Variants in COMMD10 observed in about 807,000 individuals in gnomAD.
COMMD10 encodes the protein COMM domain containing 10, also known as COMM domain-containing protein 10.
COMMD10 carries 33 observed loss-of-function variants against 28.9 expected under a neutral mutation model. The observed-to-expected ratio is 1.14, with a 90% CI of 0.87 to 1.53. The LOEUF is 1.53. COMMD10 is among the 40% of genes most tolerant of loss of function. COMMD10 has a pLI of 0.00. For missense variants in COMMD10, 310 were observed against 233.4 expected, an observed-to-expected ratio of 1.33 and a Z score of -2.14; for synonymous variants, 110 against 81.7, an observed-to-expected ratio of 1.35 and a Z score of -1.87.
rs1447635797 is a variant in COMMD10 at position 116,252,356 on chromosome 5, A to G, written c.511-39161A>G. Among the ~76,000 whole-genome samples the G allele has an allele frequency of 1.8e-3, 257 of 142,138 alleles. 20 individuals carry two copies. Among genetic ancestry groups the G allele is most frequent in the African/African-American group, 6.5e-3 (241 of 36,940 alleles). The allele number at this position is 142,138 out of a possible 152,430, so 93.2% of individuals were successfully genotyped here. On this transcript the variant is annotated intron_variant, in intron 5 of 6. Transcript: ENST00000274458. ...TTGTTGCCATTGCTTTTGGTGTTTT[A>G]GACATGAAGTCCTTGCCTGTGCCTA...
intron 5 of COMMD10, among the ~76,000 whole-genome samples, chr5:116,238,522 A>G (rs1001555247): frequency 6.6e-6 from 1 of 152,188 alleles, no homozygotes; most frequent in Non-Finnish European, 1.5e-5. Context: ...AACAAACCTA[A>G]AGCTTCTGTT....
At chr5:116,286,312 T>C (rs1231407734) in intron 5 of COMMD10, among the ~76,000 whole-genome samples, 1 of 136,744 alleles carries the variant, frequency 7.3e-6, no homozygotes, top group Non-Finnish European at 1.5e-5. Context: ...AAAAACTAAC[T>C]CAATTTCTAT....
chr5:116,196,328 G>A (rs531057456), intron 5 of COMMD10, among the ~76,000 whole-genome samples: 3 of 152,016 alleles, frequency 2.0e-5, no homozygotes, highest in Non-Finnish European at 4.4e-5. Context: ...TGATACAGTG[G>A]ACTTCGAGGA....
chr5:116,107,582 C>T lies in COMMD10; in HGVS notation c.399+14882C>T, dbSNP rs538577272. Among the ~76,000 whole-genome samples, 6 of 152,208 alleles carry T rather than the reference C, an allele frequency of 3.9e-5. No homozygotes were observed. The South Asian group carries it at 1.2e-3, about 32-fold the overall frequency. ...TTATTCTAGTTAGCAGTTTGTTTTACCTTTTTTTCAAGGTTCTTAGCTTTC... is the reference window on the plus strand; with the variant it reads ...TTATTCTAGTTAGCAGTTTGTTTTATCTTTTTTTCAAGGTTCTTAGCTTTC... On this transcript the variant is annotated intron_variant, in intron 4 of 6. Coordinates refer to ENST00000274458, the MANE Select transcript of COMMD10 (RefSeq NM_016144.4).
At chr5:116,176,117 G>T (rs1466312977) in intron 5 of COMMD10, among the ~76,000 whole-genome samples, 1 of 152,034 alleles carries the variant, frequency 6.6e-6, no homozygotes, top group African/African-American at 2.4e-5. Flanking sequence ...CTTATTCACT[G>T]TTTGTTTATT....
chr5:116,247,279 C>G lies in COMMD10; in HGVS notation c.511-44238C>G, dbSNP rs553519356. Among the ~76,000 whole-genome samples the G allele has an allele frequency of 4.6e-5, 7 of 150,984 alleles. No homozygotes were observed. The East Asian group carries it at 1.4e-3, about 30-fold the overall frequency. On this transcript the variant is annotated intron_variant, in intron 5 of 6. Transcript: ENST00000274458. ...ATCAGAACCACAATGAGATACCCATCTCAGTCAGAAAGGTTATTATTAAAA... is the reference window on the plus strand; with the variant it reads ...ATCAGAACCACAATGAGATACCCATGTCAGTCAGAAAGGTTATTATTAAAA...
intron 5 of COMMD10, among the ~76,000 whole-genome samples, chr5:116,283,027 CA>C (rs779312236): frequency 6.6e-5 from 10 of 151,862 alleles, no homozygotes; most frequent in Non-Finnish European, 1.2e-4. Flanking sequence ...TCTGTAGAAC[CA>C]AGAATGGAAG....
intron 5 of COMMD10, among the ~76,000 whole-genome samples, chr5:116,284,018 A>G (rs1751148854): frequency 6.6e-6 from 1 of 151,576 alleles, no homozygotes; most frequent in Admixed American, 6.6e-5. Flanking sequence ...AATCCCAGCT[A>G]CTCACAGGCT....
intron 4 of COMMD10, among the ~76,000 whole-genome samples, chr5:116,116,567 T>C (rs979798928): frequency 6.6e-6 from 1 of 152,232 alleles, no homozygotes; most frequent in African/African-American, 2.4e-5. Context: ...TTTGTTACTT[T>C]AGTTTCGGTA....
chr5:116,263,833 C>G (rs1333035645), intron 5 of COMMD10, among the ~76,000 whole-genome samples: 1 of 151,712 alleles, frequency 6.6e-6, no homozygotes, highest in Non-Finnish European at 1.5e-5. Context: ...ATATCTCATG[C>G]CTCCCTAAAA....
At chr5:116,239,494 C>T (rs1198773293) in intron 5 of COMMD10, among the ~76,000 whole-genome samples, 1 of 152,098 alleles carries the variant, frequency 6.6e-6, no homozygotes, top group Non-Finnish European at 1.5e-5. Context: ...ATGAGCTTTG[C>T]CTCTCTTTGA....
intron 4 of COMMD10, among the ~76,000 whole-genome samples, chr5:116,123,624 G>T (rs1428384344): frequency 6.6e-6 from 1 of 152,108 alleles, no homozygotes; most frequent in Non-Finnish European, 1.5e-5. Context: ...CTGTTGTTTG[G>T]AATAGTTTCA....
intron 4 of COMMD10, among the ~76,000 whole-genome samples, chr5:116,124,193 C>T (rs1751536137): frequency 6.6e-6 from 1 of 152,082 alleles, no homozygotes; most frequent in African/African-American, 2.4e-5. Flanking sequence ...CCATCTTTCT[C>T]TTGTGGGCAT....
At chr5:116,250,374 TTTTA>T (rs1022611917) in intron 5 of COMMD10, among the ~76,000 whole-genome samples, 2 of 151,586 alleles carry the variant, frequency 1.3e-5, no homozygotes, top group African/African-American at 2.4e-5. Flanking sequence ...GCTGTGGCGT[TTTTA>T]TTTGTTTAGT....
At position 116,292,615 on chromosome 5, in the gene COMMD10, C is replaced by T. The variant is rs989547612; in HGVS notation, c.*126C>T. ...GCTTTCTGTAAATTATATGGCTTAT[C>T]ACTTCTTAGACAAATAACAACCAAT... On this transcript the variant is annotated 3_prime_UTR_variant, in exon 7 of 7. Transcript: ENST00000274458. 3.3e-5 allele frequency: 21 copies of T among 639,904 alleles called. No individual in the cohort carries two copies. The highest frequency in any genetic ancestry group is 5.5e-5 in the Non-Finnish European group (21 of 384,164). 39.6% of individuals were successfully genotyped at this position (639,904 alleles called of 1,614,324 possible).
intron 5 of COMMD10, among the ~76,000 whole-genome samples, chr5:116,141,777 T>C (rs901578187): frequency 6.6e-6 from 1 of 151,894 alleles, no homozygotes; most frequent in Non-Finnish European, 1.5e-5. Flanking sequence ...ATTATTTTTG[T>C]GAAGAAATGC....
At chr5:116,213,655 C>T (rs1232837847) in intron 5 of COMMD10, among the ~76,000 whole-genome samples, 1 of 152,042 alleles carries the variant, frequency 6.6e-6, no homozygotes, top group Non-Finnish European at 1.5e-5. Flanking sequence ...TACCATTTGC[C>T]ATCTCATTTC....
At chr5:116,150,634 T>G (rs1409230960) in intron 5 of COMMD10, among the ~76,000 whole-genome samples, 2 of 142,722 alleles carry the variant, frequency 1.4e-5, no homozygotes, top group Non-Finnish European at 1.5e-5. Context: ...GAATGGGAGT[T>G]CACTCATGAT....
intron 5 of COMMD10, among the ~76,000 whole-genome samples, chr5:116,188,276 A>G (rs986761139): frequency 6.6e-6 from 1 of 152,176 alleles, no homozygotes; most frequent in African/African-American, 2.4e-5. Context: ...CACTTGACTT[A>G]AAGTATGTTC....
Sources: gnomAD v4.1 joint callset for allele counts (sites outside exome capture counted in the v4.1 genomes callset) on GRCh38, gnomAD v4.1.1 for gene constraint, MANE v1.5 for transcripts, NCBI Gene and HGNC (gene_info 2026-07-23, HGNC 2026-07-21) for gene names.